DOCK5: variants seen among roughly 807,000 people sequenced by gnomAD.
DOCK5 encodes the protein dedicator of cytokinesis 5.
DOCK5 carries 142 observed loss-of-function variants against 251.8 expected under a neutral mutation model. The ratio of observed to expected loss-of-function variants is 0.56; its 90% CI spans 0.49 to 0.65. DOCK5 has a LOEUF of 0.65. Ranked by LOEUF, DOCK5 falls within the 30% of genes least tolerant of loss-of-function variation. The pLI, the probability that DOCK5 is intolerant of heterozygous loss-of-function variation, is 0.00. For missense variants in DOCK5, 2,111 were observed against 2,312.3 expected, an observed-to-expected ratio of 0.91 and a Z score of 1.79; for synonymous variants, 842 against 835.5, an observed-to-expected ratio of 1.01 and a Z score of -0.13.
chr8:25,354,902 C>T (rs1198091855), intron 27 of DOCK5, among the ~76,000 whole-genome samples: 1 of 152,052 alleles, frequency 6.6e-6, no homozygotes, highest in African/African-American at 2.4e-5. Flanking sequence ...GTGAAATCAC[C>T]AGGCATCATG....
At chr8:25,214,499 A>G (rs891233216) in intron 1 of DOCK5, among the ~76,000 whole-genome samples, 1 of 152,014 alleles carries the variant, frequency 6.6e-6, no homozygotes, top group East Asian at 1.9e-4. Flanking sequence ...GTAGTTCCCA[A>G]TTTCAATCTC....
At chr8:25,234,919 G>A (rs1802756627) in intron 1 of DOCK5, among the ~76,000 whole-genome samples, 1 of 152,154 alleles carries the variant, frequency 6.6e-6, no homozygotes. Flanking sequence ...CTGATTCACT[G>A]TTTTCATTGA....
intron 18 of DOCK5, among the ~76,000 whole-genome samples, chr8:25,328,690 T>C (rs1805618209): frequency 6.6e-6 from 1 of 152,192 alleles, no homozygotes; most frequent in South Asian, 2.1e-4. Flanking sequence ...GAGACTCTTT[T>C]GTTTACTTGA....
chr8:25,296,458 A>G, intron 6 of DOCK5, 55 bp from the exon 7 acceptor site: 4 of 1,571,302 alleles, frequency 2.5e-6, no homozygotes, highest in South Asian at 1.2e-5. Context: ...AGGACTCCTC[A>G]GTAAAAAGTC....
intron 5 of DOCK5, among the ~76,000 whole-genome samples, chr8:25,283,782 G>T (rs2666162): frequency 0.76 from 115,783 of 152,104 alleles, 45,578 homozygotes; most frequent in Middle Eastern, 0.88. Context: ...AACCTGCTTG[G>T]TTTAAATTCA....
chr8:25,334,728 AT>A (rs143830835), intron 21 of DOCK5, among the ~76,000 whole-genome samples: 11,445 of 150,898 alleles, frequency 0.076, 496 homozygotes, highest in East Asian at 0.17. Flanking sequence ...AAAAAAAAAA[AT>A]CGAGCAAAAT....
At chr8:25,224,164 G>A (rs1802461169) in intron 1 of DOCK5, among the ~76,000 whole-genome samples, 1 of 151,998 alleles carries the variant, frequency 6.6e-6, no homozygotes, top group South Asian at 2.1e-4. Flanking sequence ...TCTTGCCCAG[G>A]CTAGAGCACA....
intron 2 of DOCK5, among the ~76,000 whole-genome samples, chr8:25,266,221 CTT>C (rs879885183): frequency 6.9e-6 from 1 of 145,586 alleles, no homozygotes. Flanking sequence ...ATTATGCCTT[CTT>C]TTTTTTTTTT....
chr8:25,296,413 C>G lies in DOCK5; in HGVS notation c.471-100C>G. ...CTTCCCTGGGCTTGTCCAGCATCTC[C>G]CTTTCTAACTATGGATCCTCTGGGC... On this transcript the variant is annotated intron_variant, in intron 6 of 51. Coordinates refer to ENST00000276440, the MANE Select transcript of DOCK5 (RefSeq NM_024940.8). 5.5e-6 allele frequency: 8 copies of G among 1,455,882 alleles called. No homozygotes were observed. In the South Asian group the frequency reaches 9.2e-5, roughly 17 times the overall value. 90.2% of individuals were successfully genotyped at this position (1,455,882 alleles called of 1,614,324 possible). A position where few individuals can be genotyped will look rare whatever the true frequency, so the allele number is the denominator to read the frequency against.
At chr8:25,243,631 G>C (rs1803015814) in intron 1 of DOCK5, 43 bp from the exon 2 acceptor site, 2 of 1,579,850 alleles carry the variant, frequency 1.3e-6, no homozygotes, top group South Asian at 1.1e-5. Context: ...GCCCAGCCAA[G>C]TGACATGCAT....
At chr8:25,233,763 A>T (rs1054277953) in intron 1 of DOCK5, among the ~76,000 whole-genome samples, 2 of 151,656 alleles carry the variant, frequency 1.3e-5, no homozygotes, top group African/African-American at 2.4e-5. Context: ...TTTTTAAAAA[A>T]TTTTGTTTTA....
chr8:25,319,843 T>C (rs1340308065), intron 15 of DOCK5, among the ~76,000 whole-genome samples, 167 bp downstream of exon 15: 1 of 152,192 alleles, frequency 6.6e-6, no homozygotes, highest in African/African-American at 2.4e-5. Context: ...ATTAAGAGCA[T>C]TTATCATTAA....
intron 2 of DOCK5, among the ~76,000 whole-genome samples, chr8:25,263,619 A>T (rs1043434788): frequency 4.7e-5 from 7 of 150,022 alleles, no homozygotes; most frequent in African/African-American, 1.7e-4. Flanking sequence ...CACCCCCCTC[A>T]CCCCGTTTTA....
rs779678402 is a variant in DOCK5, at chr8:25,300,560, T to A, written c.765-16T>A. 6.2e-7 allele frequency: 1 copy of A among 1,609,212 alleles called. No homozygotes were observed. The highest frequency in any genetic ancestry group is 8.5e-7 in the Non-Finnish European group (1 of 1,177,422). On this transcript the variant is annotated splice_polypyrimidine_tract_variant and intron_variant, in intron 8 of 51. Coordinates refer to ENST00000276440, the MANE Select transcript of DOCK5 (RefSeq NM_024940.8). ...GTTAGCCTCTCATTAAGAGCAATTTTTTTTTCCTTTGCCAGTGAGAACTAT... is the reference window on the plus strand; with the variant it reads ...GTTAGCCTCTCATTAAGAGCAATTTATTTTTCCTTTGCCAGTGAGAACTAT...
intron 47 of DOCK5, 142 bp from the exon 48 acceptor site, chr8:25,403,416 C>T (rs1021472615): frequency 7.4e-6 from 6 of 815,884 alleles, no homozygotes; most frequent in Non-Finnish European, 1.2e-5. Context: ...GCAGCACAGG[C>T]ACCAACCAAT....
intron 8 of DOCK5, chr8:25,299,309 G>A: frequency 1.9e-6 from 1 of 516,936 alleles, no homozygotes; most frequent in South Asian, 3.1e-5. Context: ...ATACTCTCTG[G>A]GATTTAGAGA....
chr8:25,240,734 G>T (rs775069512), intron 1 of DOCK5, among the ~76,000 whole-genome samples: 1 of 152,102 alleles, frequency 6.6e-6, no homozygotes, highest in Admixed American at 6.6e-5. Context: ...CATTTTGGGG[G>T]CTATTGTGAA....
At chr8:25,335,536 A>G (rs1028035319) in intron 21 of DOCK5, among the ~76,000 whole-genome samples, 2 of 151,574 alleles carry the variant, frequency 1.3e-5, no homozygotes, top group African/African-American at 4.8e-5. Flanking sequence ...TTATATTATT[A>G]TGTATGACTA....
At chr8:25,312,624 G>A (rs879570380) in intron 13 of DOCK5, among the ~76,000 whole-genome samples, 12 of 152,022 alleles carry the variant, frequency 7.9e-5, no homozygotes, top group African/African-American at 2.2e-4. Context: ...TCAGCTGGGC[G>A]AGTTGACGTG....
Sources: gnomAD v4.1 joint callset for allele counts (sites outside exome capture counted in the v4.1 genomes callset) on GRCh38, gnomAD v4.1.1 for gene constraint, MANE v1.5 for transcripts, NCBI Gene and HGNC (gene_info 2026-07-23, HGNC 2026-07-21) for gene names.